The following SPAG9 variants were observed in gnomAD, a reference collection of about 807,000 sequenced individuals.
SPAG9 encodes sperm associated antigen 9.
In SPAG9, 35 loss-of-function variants were observed where a neutral mutation model predicts 166.5. That is an observed-to-expected ratio of 0.21 (90% CI 0.16 to 0.28). SPAG9 has a LOEUF of 0.28. SPAG9 is among the 10% of genes least tolerant of loss of function. The pLI is 1.00. For synonymous variants in SPAG9, 534 were observed against 565.5 expected, an observed-to-expected ratio of 0.94 and a Z score of 0.79; for missense variants, 1,235 against 1,603.3, an observed-to-expected ratio of 0.77 and a Z score of 3.92.
intron 2 of SPAG9, among the ~76,000 whole-genome samples, chr17:51,058,132 G>T (rs76213393): frequency 1.3e-5 from 2 of 151,988 alleles, no homozygotes; most frequent in Non-Finnish European, 2.9e-5. Context: ...TGGATGCTGA[G>T]GCTGAAATAA....
rs151325442 is a variant in SPAG9, at chr17:50,968,294, T to G, written c.3851-1907A>C. On this transcript the variant is annotated intron_variant, in intron 29 of 29. Coordinates refer to ENST00000262013, the MANE Select transcript of SPAG9 (RefSeq NM_001130528.3). ...TGTCATTTAAATGACCCTAATTTTT[T>G]TTTATTCCTTTACAGAATTCATATC... 3.2e-4 allele frequency among the ~76,000 whole-genome samples: 48 copies of G among 152,338 alleles called. 1 individual carries two copies. The East Asian group carries it at 9.1e-3, about 29-fold the overall frequency.
chr17:50,997,399 A>G (rs1311566855), intron 15 of SPAG9, among the ~76,000 whole-genome samples: 1 of 152,242 alleles, frequency 6.6e-6, no homozygotes, highest in Non-Finnish European at 1.5e-5. Context: ...AAAACGTGCT[A>G]GAAGTGATTT....
chr17:50,986,340 C>G (rs902098846), intron 22 of SPAG9, among the ~76,000 whole-genome samples: 3 of 152,210 alleles, frequency 2.0e-5, no homozygotes, highest in Admixed American at 1.3e-4. Flanking sequence ...TTTGCCAACT[C>G]TTCACTTTAT....
intron 2 of SPAG9, among the ~76,000 whole-genome samples, chr17:51,072,247 T>C: frequency 6.6e-6 from 1 of 151,582 alleles, no homozygotes; most frequent in East Asian, 2.0e-4. Context: ...AATTTTTGTA[T>C]TTTTAGTAGA....
intron 4 of SPAG9, chr17:51,046,524 G>C (rs1020619357): frequency 6.5e-7 from 1 of 1,536,104 alleles, no homozygotes; most frequent in African/African-American, 1.4e-5. Context: ...TAGGTTCTGC[G>C]TCAGAGCTGG....
intron 1 of SPAG9, among the ~76,000 whole-genome samples, chr17:51,081,031 T>G (rs943549088): frequency 6.6e-6 from 1 of 152,144 alleles, no homozygotes; most frequent in Non-Finnish European, 1.5e-5. Context: ...GCTTTGACTC[T>G]TCTGTTTCTC....
At chr17:51,112,671 C>CAAAAAAAAAAA (rs1206604151) in intron 1 of SPAG9, among the ~76,000 whole-genome samples, 1 of 41,400 alleles carries the variant, frequency 2.4e-5, no homozygotes, top group Non-Finnish European at 5.7e-5. Context: ...TCTGTCTCAA[C>CAAAAAAAAAAA]AAAAAAAAAA....
At chr17:50,989,128 T>A (rs1975317746) in intron 21 of SPAG9, among the ~76,000 whole-genome samples, 1 of 152,190 alleles carries the variant, frequency 6.6e-6, no homozygotes, top group Admixed American at 6.5e-5. Context: ...GTAAAACCAT[T>A]TTGGAAAATG....
chr17:51,111,115 CA>C (rs1203132343), intron 1 of SPAG9, among the ~76,000 whole-genome samples: 37 of 132,092 alleles, frequency 2.8e-4, no homozygotes, highest in Admixed American at 5.4e-4. Flanking sequence ...GACTCCGTCT[CA>C]AAAAAAAAAA....
At chr17:51,098,757 G>C (rs1415725408) in intron 1 of SPAG9, among the ~76,000 whole-genome samples, 1 of 151,780 alleles carries the variant, frequency 6.6e-6, no homozygotes, top group Non-Finnish European at 1.5e-5. Context: ...CTCCCAAAGT[G>C]CTGGGACTAT....
At chr17:51,063,399 G>A (rs1177122796) in intron 2 of SPAG9, among the ~76,000 whole-genome samples, 3 of 140,104 alleles carry the variant, frequency 2.1e-5, no homozygotes, top group East Asian at 2.1e-4. Context: ...GCCACAGGGC[G>A]AGACTACATC....
intron 1 of SPAG9, among the ~76,000 whole-genome samples, chr17:51,098,500 T>C (rs1159857298): frequency 6.6e-6 from 1 of 152,060 alleles, no homozygotes; most frequent in Non-Finnish European, 1.5e-5. Flanking sequence ...ACTTATTTAT[T>C]TATTTATTTG....
intron 3 of SPAG9, among the ~76,000 whole-genome samples, chr17:51,048,245 A>G (rs2047084652): frequency 6.6e-6 from 1 of 152,132 alleles, no homozygotes; most frequent in African/African-American, 2.4e-5. Flanking sequence ...GATTCTTGAT[A>G]ATATATAGTT....
At chr17:51,073,931 T>C (rs771162397) in intron 2 of SPAG9, among the ~76,000 whole-genome samples, 58 of 149,478 alleles carry the variant, frequency 3.9e-4, no homozygotes, top group Non-Finnish European at 6.5e-4. Context: ...TGAAACCCCA[T>C]CTCTACTAAA....
intron 1 of SPAG9, among the ~76,000 whole-genome samples, chr17:51,109,345 T>TC (rs1218841502): frequency 2.6e-5 from 4 of 152,094 alleles, no homozygotes; most frequent in African/African-American, 9.7e-5. Context: ...CAAGTGATTC[T>TC]CTTGCTTCAG....
intron 13 of SPAG9, 108 bp downstream of exon 13, chr17:51,001,607 A>T: frequency 9.2e-7 from 1 of 1,087,050 alleles, no homozygotes; most frequent in Non-Finnish European, 1.3e-6. Flanking sequence ...CCTAGTAAAC[A>T]GAGAAAGGGG....
intron 6 of SPAG9, among the ~76,000 whole-genome samples, chr17:51,022,651 A>G (rs1390312102): frequency 6.6e-6 from 1 of 151,204 alleles, no homozygotes; most frequent in Non-Finnish European, 1.5e-5. Flanking sequence ...TAATAATAAT[A>G]ATAATAATAA....
At position 51,120,776 on chromosome 17, in the gene SPAG9, C is replaced by A; in HGVS notation, c.-120G>T. On this transcript the variant is annotated 5_prime_UTR_variant, in exon 1 of 30. Coordinates refer to ENST00000262013, the MANE Select transcript of SPAG9 (RefSeq NM_001130528.3). This position sits in a 1 kb window ranked among gnomAD's most constrained non-coding sequence, Gnocchi z 4.7. ...ACTAGGGCTGGAGCCCGGGCCGGGG[C>A]TGGGGCTGGGCCCGGCGGGGTGGGG... The A allele has an allele frequency of 2.4e-6, 2 of 834,808 alleles. No individual in the cohort carries two copies. Among genetic ancestry groups the A allele is most frequent in the Non-Finnish European group, 1.7e-6 (1 of 586,226 alleles). 51.7% of individuals were successfully genotyped at this position (834,808 alleles called of 1,614,324 possible).
chr17:51,033,184 A>G (rs2046451117), intron 5 of SPAG9, among the ~76,000 whole-genome samples: 1 of 152,000 alleles, frequency 6.6e-6, no homozygotes, highest in Non-Finnish European at 1.5e-5. Context: ...CTTAATGTTT[A>G]TTTATAAGAT....
Sources: allele counts gnomAD v4.1 joint callset (sites outside exome capture counted in the v4.1 genomes callset), GRCh38; gene constraint gnomAD v4.1.1; non-coding constraint Gnocchi (gnomAD v3.1); transcripts MANE v1.5; gene names NCBI Gene and HGNC (gene_info 2026-07-23, HGNC 2026-07-21).